The following SEH1L variants were observed in gnomAD, a reference collection of about 807,000 sequenced individuals.
SEH1L encodes the protein nucleoporin SEH1.
Under a neutral mutation model 49.5 loss-of-function variants are expected in SEH1L, and 18 were observed. The ratio of observed to expected loss-of-function variants is 0.36; its 90% CI spans 0.25 to 0.54. The LOEUF (loss-of-function observed/expected upper bound fraction) is 0.54. SEH1L is among the 20% of genes least tolerant of loss of function. The pLI is 0.87. For missense variants in SEH1L, 404 were observed against 528.8 expected (o/e 0.76, Z 2.31); for synonymous variants, 169 against 178.1 (o/e 0.95, Z 0.41).
At chr18:12,953,664 C>A (rs7237381) in intron 2 of SEH1L, among the ~76,000 whole-genome samples, 5 of 152,100 alleles carry the variant, frequency 3.3e-5, no homozygotes, top group Non-Finnish European at 7.4e-5. Flanking sequence ...GGTCCCCCCC[C>A]CTTTTAAGGT....
intron 5 of SEH1L, 132 bp from the exon 6 acceptor site, chr18:12,978,620 T>C (rs1204189049): frequency 1.5e-6 from 1 of 648,694 alleles, no homozygotes; most frequent in Non-Finnish European, 2.6e-6. Context: ...TTTTGGGGGC[T>C]GCTGTTGAGC....
rs919435883 is a variant in SEH1L at position 12,982,439 on chromosome 18, GTA to G, written c.762-69_762-68del. ...TGTATTAATTTAGAATTTTACGTGT[GTA>G]TATATATATGTGTGTGTATATATAT... On this transcript the variant is annotated intron_variant, in intron 6 of 8. Transcript: ENST00000399892. 265 of 978,116 alleles carry G rather than the reference GTA, an allele frequency of 2.7e-4. 1 individual carries two copies. Among genetic ancestry groups the G allele is most frequent in the Non-Finnish European group, 2.4e-4 (163 of 668,678 alleles). The allele number at this position is 978,116 out of a possible 1,614,324, so 60.6% of individuals were successfully genotyped here.
chr18:12,962,531 G>A (rs1227731609), intron 3 of SEH1L, among the ~76,000 whole-genome samples: 3 of 134,276 alleles, frequency 2.2e-5, no homozygotes, highest in Non-Finnish European at 4.6e-5. Flanking sequence ...GCAGTGGTGC[G>A]ATCTTTGCTC....
intron 8 of SEH1L, 131 bp from the exon 9 acceptor site, chr18:12,986,727 CTTTT>C: frequency 1.4e-5 from 14 of 1,005,320 alleles, no homozygotes; most frequent in East Asian, 7.8e-5. Flanking sequence ...TATACTAAAG[CTTTT>C]TTTTTTTTTT....
intron 6 of SEH1L, among the ~76,000 whole-genome samples, chr18:12,980,699 A>AC (rs2032192107): frequency 7.1e-5 from 2 of 28,154 alleles, no homozygotes; most frequent in African/African-American, 1.7e-4. Context: ...GGGGGCTGAC[A>AC]CCCCCCACTT....
At chr18:12,956,432 A>G (rs1163940545) in intron 3 of SEH1L, among the ~76,000 whole-genome samples, 1 of 144,124 alleles carries the variant, frequency 6.9e-6, no homozygotes, top group East Asian at 2.0e-4. Context: ...CGCCATACAG[A>G]TCCACTGTGT....
At chr18:12,951,178 GA>G (rs1256628181) in intron 1 of SEH1L, among the ~76,000 whole-genome samples, 1 of 152,202 alleles carries the variant, frequency 6.6e-6, no homozygotes, top group African/African-American at 2.4e-5. Context: ...CCATTGAGGT[GA>G]AACCAGGCGA....
intron 7 of SEH1L, among the ~76,000 whole-genome samples, chr18:12,983,682 T>C (rs2032359706): frequency 6.6e-6 from 1 of 152,246 alleles, no homozygotes. Flanking sequence ...TTCATTACCT[T>C]ACATACATAT....
intron 2 of SEH1L, among the ~76,000 whole-genome samples, chr18:12,953,135 CT>C (rs2030648930): frequency 6.6e-6 from 1 of 152,176 alleles, no homozygotes; most frequent in South Asian, 2.1e-4. Context: ...ATACATAGTC[CT>C]TTGTGTCTGG....
In SEH1L at chr18:12,987,056, A is replaced by G. The variant is rs755349669; in HGVS notation, c.1265A>G (p.Ter422=). ...LNPLPENEGI[*] is the part of the protein sequence containing the mutation. ...CCCTTACCTGAGAATGAAGGGATTT[A>G]AAACACTGATTTAACATTGAAAGGC... Residue 422 remains the stop codon, a stop_retained_variant, in exon 9 of 9, where the codon TAA becomes TGA. Coordinates refer to ENST00000399892, the MANE Select transcript of SEH1L (RefSeq NM_001013437.2). 6.9e-6 allele frequency: 11 copies of G among 1,589,774 alleles called. No homozygotes were observed. The highest frequency in any genetic ancestry group is 1.7e-4 in the Middle Eastern group (1 of 5,988).
At chr18:12,975,606 G>A (rs1248559793) in intron 5 of SEH1L, 1 of 589,296 alleles carries the variant, frequency 1.7e-6, no homozygotes, top group East Asian at 1.4e-4. Flanking sequence ...AGAGAGACAG[G>A]GGAGGGGCAG....
At position 12,987,176 on chromosome 18, in the gene SEH1L, T is replaced by C. The variant is rs2032498168; in HGVS notation, c.*119T>C. On this transcript the variant is annotated 3_prime_UTR_variant, in exon 9 of 9. Transcript: ENST00000399892. ...TTTCTAACTTAGGGTCTGTCTTGCA[T>C]GTATTACAACCAGAATACAGTGTTT... 1 of 686,270 alleles carries C rather than the reference T, an allele frequency of 1.5e-6. No individual in the cohort carries two copies. Among genetic ancestry groups the C allele is most frequent in the Non-Finnish European group, 2.4e-6 (1 of 424,318 alleles). 42.5% of individuals were successfully genotyped at this position (686,270 alleles called of 1,614,324 possible). A position where few individuals can be genotyped will look rare whatever the true frequency, so the allele number is the denominator to read the frequency against.
intron 4 of SEH1L, among the ~76,000 whole-genome samples, chr18:12,969,035 A>G (rs540281198): frequency 6.6e-6 from 1 of 152,126 alleles, no homozygotes; most frequent in East Asian, 1.9e-4. Flanking sequence ...ACATGGAGAA[A>G]ACCCTTCTCT....
chr18:12,949,006 C>T (rs1008440793), intron 1 of SEH1L, among the ~76,000 whole-genome samples: 1 of 151,774 alleles, frequency 6.6e-6, no homozygotes, highest in African/African-American at 2.4e-5. Context: ...CACGCCACCA[C>T]CCCCGGCTAA....
intron 7 of SEH1L, 144 bp from the exon 8 acceptor site, chr18:12,983,896 T>A (rs2032367233): frequency 5.9e-6 from 3 of 512,408 alleles, no homozygotes; most frequent in Non-Finnish European, 9.9e-6. Context: ...ATTTAAAAAG[T>A]GTCTTTAATG....
At chr18:12,956,160 T>A (rs1461850726) in intron 3 of SEH1L, among the ~76,000 whole-genome samples, 1 of 151,776 alleles carries the variant, frequency 6.6e-6, no homozygotes, top group Non-Finnish European at 1.5e-5. Flanking sequence ...TTCTCCTACC[T>A]CAGCCTCCTG....
At chr18:12,979,010 T>A in intron 6 of SEH1L, 118 bp downstream of exon 6, 1 of 959,300 alleles carries the variant, frequency 1.0e-6, no homozygotes, top group Non-Finnish European at 1.6e-6. Context: ...CTGGAAGTTT[T>A]ACTTAAAAAT....
chr18:12,961,608 G>A (rs2031180809), intron 3 of SEH1L, among the ~76,000 whole-genome samples: 1 of 152,152 alleles, frequency 6.6e-6, no homozygotes, highest in South Asian at 2.1e-4. Flanking sequence ...TTAATGTTGA[G>A]ACTCTTTAAG....
chr18:12,972,321 AT>A (rs937105064), intron 5 of SEH1L: 1 of 152,152 alleles, frequency 6.6e-6, no homozygotes, highest in Non-Finnish European at 1.5e-5. Flanking sequence ...TCAGTGTGTA[AT>A]TTCAATGTGT....
Sources: gnomAD v4.1 joint callset for allele counts (sites outside exome capture counted in the v4.1 genomes callset) on GRCh38, gnomAD v4.1.1 for gene constraint, MANE v1.5 for transcripts, NCBI Gene and HGNC (gene_info 2026-07-23, HGNC 2026-07-21) for gene names.